The following PCSK5 variants were observed in gnomAD, a reference collection of about 807,000 sequenced individuals.
PCSK5 encodes the protein prohormone convertase 5.
Under a neutral mutation model 233.2 loss-of-function variants are expected in PCSK5, and 129 were observed. The observed-to-expected ratio is 0.55, with a 90% CI of 0.48 to 0.64. The LOEUF (loss-of-function observed/expected upper bound fraction) is 0.64. PCSK5 is among the 30% of genes least tolerant of loss of function. The probability of loss-of-function intolerance (pLI) is 0.00; values close to 1 mark genes in which losing one functional copy is unlikely to be tolerated. For missense variants in PCSK5, 2,076 were observed against 2,430.1 expected (o/e 0.85, Z 3.06); for synonymous variants, 825 against 879.2 (o/e 0.94, Z 1.09).
At chr9:76,161,878 T>A (rs557410621) in intron 12 of PCSK5, among the ~76,000 whole-genome samples, 1 of 152,206 alleles carries the variant, frequency 6.6e-6, no homozygotes, top group Non-Finnish European at 1.5e-5. Flanking sequence ...CGACGTGCGG[T>A]GACCGGCACT....
intron 2 of PCSK5, among the ~76,000 whole-genome samples, chr9:75,946,098 A>G (rs1002450181): frequency 6.6e-6 from 1 of 152,252 alleles, no homozygotes; most frequent in Admixed American, 6.5e-5. Context: ...GAAAACCTTC[A>G]ATAGAAGAAT....
intron 34 of PCSK5, among the ~76,000 whole-genome samples, chr9:76,334,988 G>T (rs1020915541): frequency 5.9e-5 from 9 of 152,158 alleles, no homozygotes; most frequent in African/African-American, 1.7e-4. Flanking sequence ...TGTGGCATGA[G>T]AATTGCTTGA....
At chr9:75,895,311 G>A (rs1825761859) in intron 1 of PCSK5, among the ~76,000 whole-genome samples, 1 of 152,208 alleles carries the variant, frequency 6.6e-6, no homozygotes, top group Non-Finnish European at 1.5e-5. Flanking sequence ...GCATTGCTCA[G>A]CACATAGTTA....
At chr9:76,281,594 AC>A (rs1827865567) in intron 24 of PCSK5, among the ~76,000 whole-genome samples, 1 of 152,202 alleles carries the variant, frequency 6.6e-6, no homozygotes, top group African/African-American at 2.4e-5. Context: ...TTGTTTTCAT[AC>A]CTGCTAACAG....
chr9:76,252,235 A>C (rs1587806242), intron 24 of PCSK5, among the ~76,000 whole-genome samples: 1 of 152,154 alleles, frequency 6.6e-6, no homozygotes, highest in Non-Finnish European at 1.5e-5. Context: ...GTGCCCCTGC[A>C]CTCCAGCCTG....
At chr9:75,890,212 C>A (rs1261850863), upstream of PCSK5, among the ~76,000 whole-genome samples, 1 of 152,202 alleles carries the variant, frequency 6.6e-6, no homozygotes. Context: ...GTAAAATAAA[C>A]AGCTGCTGAA....
intron 24 of PCSK5, among the ~76,000 whole-genome samples, chr9:76,242,033 T>C (rs2131331788): frequency 6.6e-6 from 1 of 152,370 alleles, no homozygotes; most frequent in African/African-American, 2.4e-5. Context: ...GGGGTAAGAT[T>C]GTGCCAGAAT....
rs191749921 is a variant in PCSK5, at chr9:75,974,300, T to C, written c.298-11832T>C. ...CGGTGCACTCATTCATCAGGCCTTC[T>C]TCCAGATTTTTATGTGCTATGACCC... On this transcript the variant is annotated intron_variant, in intron 2 of 37. Coordinates refer to ENST00000674117, the MANE Select transcript of PCSK5 (RefSeq NM_001372043.1). Among the ~76,000 whole-genome samples the C allele has an allele frequency of 6.0e-4, 91 of 152,318 alleles. No homozygotes were observed. In the East Asian group the frequency reaches 0.015, roughly 25 times the overall value.
chr9:76,344,147 A>G (rs971273563), intron 35 of PCSK5, among the ~76,000 whole-genome samples: 2 of 152,182 alleles, frequency 1.3e-5, no homozygotes, highest in African/African-American at 4.8e-5. Flanking sequence ...ACCTGTGGCT[A>G]GTGGCTGCTG....
intron 32 of PCSK5, among the ~76,000 whole-genome samples, chr9:76,325,724 G>A (rs146822822): frequency 0.015 from 2,289 of 152,006 alleles, 68 homozygotes; most frequent in African/African-American, 0.051. Flanking sequence ...CACAACCTCC[G>A]CCTCCCTGGT....
intron 20 of PCSK5, among the ~76,000 whole-genome samples, chr9:76,207,605 T>A (rs1378219511): frequency 6.6e-6 from 1 of 152,206 alleles, no homozygotes; most frequent in Non-Finnish European, 1.5e-5. Context: ...CCTTTACAGA[T>A]TTTATACTGT....
At chr9:75,920,766 A>G (rs1174210879) in intron 1 of PCSK5, among the ~76,000 whole-genome samples, 2 of 152,098 alleles carry the variant, frequency 1.3e-5, no homozygotes, top group Non-Finnish European at 1.5e-5. Flanking sequence ...AGATTGCACC[A>G]CTGCACTATA....
intron 1 of PCSK5, among the ~76,000 whole-genome samples, chr9:75,914,489 GACCCAATGACCTAAA>G (rs1475697146): frequency 6.6e-6 from 1 of 152,074 alleles, no homozygotes; most frequent in African/African-American, 2.4e-5. Flanking sequence ...AGTTTTAGAT[GACCCAATGACCTAAA>G]ACCCAATGAC....
chr9:75,972,762 TAAG>T (rs1227986914), intron 2 of PCSK5, among the ~76,000 whole-genome samples: 2 of 152,214 alleles, frequency 1.3e-5, no homozygotes, highest in Non-Finnish European at 2.9e-5. Flanking sequence ...CTTGTCAGCT[TAAG>T]AAGCTTTTGG....
intron 5 of PCSK5, among the ~76,000 whole-genome samples, chr9:76,032,434 C>T (rs963334892): frequency 6.6e-6 from 1 of 152,176 alleles, no homozygotes; most frequent in South Asian, 2.1e-4. Context: ...AGCCTCAAAA[C>T]TATGCAAATC....
intron 2 of PCSK5, among the ~76,000 whole-genome samples, chr9:75,944,835 C>T (rs1049960064): frequency 7.2e-5 from 11 of 152,218 alleles, no homozygotes; most frequent in Admixed American, 2.0e-4. Flanking sequence ...CATGTCCAGG[C>T]GCGGTGGCTC....
intron 26 of PCSK5, among the ~76,000 whole-genome samples, chr9:76,296,069 A>C: frequency 6.6e-6 from 1 of 152,182 alleles, no homozygotes; most frequent in East Asian, 1.9e-4. Context: ...CCAGTTGAAA[A>C]AGGACTTAGG....
At chr9:76,004,583 T>G (rs756971418) in intron 3 of PCSK5, among the ~76,000 whole-genome samples, 7 of 152,206 alleles carry the variant, frequency 4.6e-5, no homozygotes, top group Non-Finnish European at 8.8e-5. Flanking sequence ...ACATCAGTGC[T>G]TGCGAGGTGT....
At chr9:75,991,671 T>C (rs1826773263) in intron 3 of PCSK5, among the ~76,000 whole-genome samples, 1 of 152,144 alleles carries the variant, frequency 6.6e-6, no homozygotes, top group Admixed American at 6.5e-5. Context: ...GTCGTGAGGA[T>C]TTGGCCACGT....
Sources: allele counts gnomAD v4.1 joint callset (sites outside exome capture counted in the v4.1 genomes callset), GRCh38; gene constraint gnomAD v4.1.1; transcripts MANE v1.5; gene names NCBI Gene and HGNC (gene_info 2026-07-23, HGNC 2026-07-21).